Variants in EMC1 observed in about 807,000 individuals in gnomAD.
The protein encoded by EMC1 is KIAA0090.
Under a neutral mutation model 128.8 loss-of-function variants are expected in EMC1, and 103 were observed. That is an observed-to-expected ratio of 0.80 (90% CI 0.68 to 0.94). The LOEUF (loss-of-function observed/expected upper bound fraction) is 0.94, where lower values mean the gene tolerates loss of function less well. EMC1 is among the 40% of genes least tolerant of loss of function. EMC1 has a pLI of 0.00. For missense variants in EMC1, 1,083 were observed against 1,250.6 expected (o/e 0.87, Z 2.02); for synonymous variants, 442 against 490.4 (o/e 0.90, Z 1.30).
At chr1:19,237,021 C>A in intron 12 of EMC1, 121 bp downstream of exon 12, 7 of 569,448 alleles carry the variant, frequency 1.2e-5, no homozygotes, top group East Asian at 3.8e-5. Flanking sequence ...GAACGAAACA[C>A]TCAGGGCACA....
chr1:19,227,752 T>C (rs1240410419), intron 17 of EMC1, among the ~76,000 whole-genome samples: 2 of 152,030 alleles, frequency 1.3e-5, no homozygotes, highest in African/African-American at 4.8e-5. Flanking sequence ...CCTATAATCC[T>C]AGCCACTCGG....
intron 20 of EMC1, among the ~76,000 whole-genome samples, chr1:19,222,285 C>G (rs1018299557): frequency 6.6e-6 from 1 of 151,950 alleles, no homozygotes; most frequent in Non-Finnish European, 1.5e-5. Context: ...ATGGCAAATC[C>G]CTGTCTCTAC....
intron 6 of EMC1, 131 bp from the exon 7 acceptor site, chr1:19,240,577 T>C (rs1238147289): frequency 5.0e-6 from 5 of 1,004,666 alleles, no homozygotes; most frequent in Non-Finnish European, 7.4e-6. Flanking sequence ...GTTGGTTGTA[T>C]AGGAGTTCTT....
intron 12 of EMC1, among the ~76,000 whole-genome samples, chr1:19,236,485 C>T (rs150757159): frequency 0.014 from 2,044 of 143,190 alleles, 50 homozygotes; most frequent in African/African-American, 0.046. Context: ...GGTGAAACCC[C>T]ATCTCTACTA....
intron 17 of EMC1, among the ~76,000 whole-genome samples, chr1:19,229,864 C>A (rs1355601191): frequency 6.6e-6 from 1 of 152,156 alleles, no homozygotes; most frequent in East Asian, 1.9e-4. Flanking sequence ...AACAGAAGAC[C>A]AGAGCCCAAG....
Position 19,244,960 on chromosome 1 carries a change from C to G in EMC1, c.166G>C (p.Val56Leu), listed in dbSNP as rs139340398. The change falls in exon 2 of 23, where the codon GTA becomes CTA. Residue 56 changes from valine (V) to leucine (L), a missense_variant. By Grantham distance (32) the Val-to-Leu change is conservative (BLOSUM62 1). This residue lies in a region of EMC1 where 544 missense variants were observed against 572.4 expected (regional missense o/e 0.95). Transcript: ENST00000477853. The part of the protein sequence containing the change: ...EFSPGSKKLV[V>L]ATEKNVIAAL... ...GCAATCACATTCTTCTCTGTGGCTA[C>G]AACCAACTTCTTGGATCCAGGGGAA... is the stretch of plus-strand genomic sequence containing the variant. 1.5e-5 allele frequency: 24 copies of G among 1,613,804 alleles called. No individual in the cohort carries two copies. The African/African-American group carries it at 3.1e-4, about 21-fold the overall frequency.
chr1:19,234,300 G>A (rs74056797), intron 13 of EMC1: 5,616 of 337,120 alleles, frequency 0.017, 225 homozygotes, highest in African/African-American at 0.093. Flanking sequence ...ACAGCTATCC[G>A]TTGGAGGGCT....
chr1:19,241,681 A>G lies in EMC1; in HGVS notation c.510-539T>C, dbSNP rs531068742. ...CAAGCACGCACCACCATGCCTGGCT[A>G]ATTTTTTGTACTTTTTGTAGAGATG... On this transcript the variant is annotated intron_variant, in intron 5 of 22. Coordinates refer to ENST00000477853, the MANE Select transcript of EMC1 (RefSeq NM_015047.3). Among the ~76,000 whole-genome samples the G allele has an allele frequency of 4.7e-3, 711 of 152,042 alleles. 10 individuals are homozygous for G. Among genetic ancestry groups the G allele is most frequent in the African/African-American group, 0.015 (631 of 41,482 alleles).
At position 19,230,885 on chromosome 1, in the gene EMC1, C is replaced by T. The variant is rs1351877489; in HGVS notation, c.2023G>A (p.Asp675Asn). The change falls in exon 17 of 23, where the codon GAT (aspartate) becomes AAT (asparagine). Residue 675 changes from aspartate (D) to asparagine (N), a missense_variant. Transcript: ENST00000477853. Reference protein sequence around the residue: ...LAPSIFFYLVDAEQGRLCGYR... With the variant: ...LAPSIFFYLVNAEQGRLCGYR... ...CCACACAGCCGTCCCTGCTCTGCAT[C>T]CACCAAATAGAAGAAGATGGAAGGG... 1.2e-6 allele frequency: 2 copies of T among 1,614,096 alleles called. No homozygotes were observed. The highest frequency in any genetic ancestry group is 2.2e-5 in the East Asian group (1 of 44,900).
chr1:19,217,905 T>A lies in EMC1; in HGVS notation c.*1398A>T, dbSNP rs1468288503. ...CTTCCTTCTCTGCCATAATCTACCA[T>A]CAGCATATGACCATAGAAAGATGAC... On this transcript the variant is annotated 3_prime_UTR_variant, in exon 23 of 23. Transcript: ENST00000477853. 6.6e-6 allele frequency: 1 copy of A among 152,198 alleles called. No homozygotes were observed. The highest frequency in any genetic ancestry group is 1.5e-5 in the Non-Finnish European group (1 of 68,040). 9.4% of individuals were successfully genotyped at this position (152,198 alleles called of 1,614,324 possible).
rs536124154 is a variant in EMC1 at position 19,244,720 on chromosome 1, G to C, written c.220+186C>G. 45 of 576,102 alleles carry C rather than the reference G, an allele frequency of 7.8e-5. 1 individual carries two copies. The Middle Eastern group carries it at 1.5e-3, about 19-fold the overall frequency. The allele number at this position is 576,102 out of a possible 1,614,324, so 35.7% of individuals were successfully genotyped here. ...CAAGCTGAGAGAACAAACCGCAAAG[G>C]TCAGTTATAGGAACATACAAATATT... On this transcript the variant is annotated intron_variant, in intron 2 of 22. Coordinates refer to ENST00000477853, the MANE Select transcript of EMC1 (RefSeq NM_015047.3).
At position 19,244,951 on chromosome 1, in the gene EMC1, C is replaced by T. The variant is rs768511495; in HGVS notation, c.175G>A (p.Glu59Lys). The change falls in exon 2 of 23, where the codon GAG becomes AAG. Residue 59 changes from glutamate to lysine, a missense_variant. By Grantham distance (56) the Glu-to-Lys change is moderately conservative (BLOSUM62 1). Coordinates refer to ENST00000477853, the MANE Select transcript of EMC1 (RefSeq NM_015047.3). ...TTTAATGCTGCAATCACATTCTTCT[C>T]TGTGGCTACAACCAACTTCTTGGAT... ...PGSKKLVVAT[E>K]KNVIAALNSR... The T allele has an allele frequency of 1.2e-6, 2 of 1,613,892 alleles. No individual in the cohort carries two copies. Among genetic ancestry groups the T allele is most frequent in the Admixed American group, 1.7e-5 (1 of 59,998 alleles).
intron 1 of EMC1, among the ~76,000 whole-genome samples, chr1:19,250,070 T>A (rs2093650378): frequency 1.3e-5 from 2 of 151,074 alleles, no homozygotes; most frequent in South Asian, 4.2e-4. Flanking sequence ...ATACAAAAAT[T>A]AGCTGGGTGT....
intron 12 of EMC1, 82 bp from the exon 13 acceptor site, chr1:19,235,334 A>T (rs1378823424): frequency 1.4e-6 from 2 of 1,435,146 alleles, no homozygotes; most frequent in Non-Finnish European, 1.9e-6. Context: ...TTGGGAGGCC[A>T]AGGTGGGTGA....
At chr1:19,235,442 C>T (rs900114104) in intron 12 of EMC1, among the ~76,000 whole-genome samples, 190 bp from the exon 13 acceptor site, 1 of 152,228 alleles carries the variant, frequency 6.6e-6, no homozygotes, top group Non-Finnish European at 1.5e-5. Flanking sequence ...GTGGCTCACG[C>T]CTGTAATCCC....
At chr1:19,241,664 C>T (rs1164145740) in intron 5 of EMC1, among the ~76,000 whole-genome samples, 1 of 152,074 alleles carries the variant, frequency 6.6e-6, no homozygotes, top group African/African-American at 2.4e-5. Context: ...CACAAGCACG[C>T]ACCACCATGC....
At position 19,237,230 on chromosome 1, in the gene EMC1, G is replaced by A. The variant is rs770149788; in HGVS notation, c.1221C>T (p.Ile407=). Residue 407 remains isoleucine (I), a synonymous_variant, in exon 12 of 23, where the codon ATC becomes ATT. Coordinates refer to ENST00000477853, the MANE Select transcript of EMC1 (RefSeq NM_015047.3). The part of the protein sequence containing the change: ...QSGTRPERLY[I]QVFLKKDDSV... ...AGTCATCCTTCTTCAAGAACACCTGGATATACAGCTATAAGCCACAGTCAA... is the reference window on the plus strand; with the variant it reads ...AGTCATCCTTCTTCAAGAACACCTGAATATACAGCTATAAGCCACAGTCAA... 16 of 1,613,214 alleles carry A rather than the reference G, an allele frequency of 9.9e-6. No individual in the cohort carries two copies. Among genetic ancestry groups the A allele is most frequent in the Non-Finnish European group, 1.2e-5 (14 of 1,179,264 alleles).
chr1:19,222,077 G>T (rs1222568655), intron 20 of EMC1, among the ~76,000 whole-genome samples: 1 of 151,810 alleles, frequency 6.6e-6, no homozygotes, highest in South Asian at 2.1e-4. Context: ...GTCAGCACAG[G>T]CTAGCTATGT....
chr1:19,234,901 T>C (rs1207183620), intron 13 of EMC1, among the ~76,000 whole-genome samples: 1 of 152,174 alleles, frequency 6.6e-6, no homozygotes, highest in African/African-American at 2.4e-5. Context: ...GAGGGATTTT[T>C]CCCTAGCTTT....
Sources: gnomAD v4.1 joint callset for allele counts (sites outside exome capture counted in the v4.1 genomes callset) on GRCh38, gnomAD v4.1.1 for gene constraint, gnomAD v4.1.1 regional missense constraint, MANE v1.5 for transcripts, NCBI Gene and HGNC (gene_info 2026-07-23, HGNC 2026-07-21) for gene names.